The following KIAA1328 variants were observed in gnomAD, a reference collection of about 807,000 sequenced individuals.
The protein encoded by KIAA1328 is KIAA1328, also known as protein hinderin.
A neutral mutation model predicts 68.1 loss-of-function variants in KIAA1328; 52 were observed. The ratio of observed to expected loss-of-function variants is 0.76; its 90% CI spans 0.61 to 0.96. KIAA1328 has a LOEUF of 0.96. Among genes scored for constraint, KIAA1328 ranks in the 40% least tolerant of loss-of-function variants. The pLI is 0.00. For synonymous variants in KIAA1328, 232 were observed against 239.4 expected, an observed-to-expected ratio of 0.97 and a Z score of 0.28; for missense variants, 641 against 677.6, an observed-to-expected ratio of 0.95 and a Z score of 0.60.
At chr18:36,831,098 C>G (rs1465616604) in intron 1 of KIAA1328, among the ~76,000 whole-genome samples, 2 of 152,168 alleles carry the variant, frequency 1.3e-5, no homozygotes, top group Non-Finnish European at 2.9e-5. Flanking sequence ...TTGATTATTT[C>G]CCAGACCACC....
chr18:36,835,438 AAG>A, intron 3 of KIAA1328, 62 bp downstream of exon 3: 2 of 1,460,352 alleles, frequency 1.4e-6, no homozygotes, highest in South Asian at 1.3e-5. Context: ...GCTGACCAAA[AAG>A]GGTAGAAGAA....
At chr18:36,856,647 T>A (rs939091424) in intron 4 of KIAA1328, among the ~76,000 whole-genome samples, 2 of 152,212 alleles carry the variant, frequency 1.3e-5, no homozygotes, top group Admixed American at 6.5e-5. Context: ...AGTCTTTGCC[T>A]GATAAATCCA....
chr18:36,973,625 C>T (rs1233218723), intron 6 of KIAA1328, among the ~76,000 whole-genome samples: 5 of 151,948 alleles, frequency 3.3e-5, no homozygotes, highest in Non-Finnish European at 5.9e-5. Context: ...CATTCTGAAT[C>T]CTCATGTCAG....
intron 5 of KIAA1328, among the ~76,000 whole-genome samples, chr18:36,901,630 G>A (rs1234962829): frequency 6.6e-6 from 1 of 151,972 alleles, no homozygotes; most frequent in African/African-American, 2.4e-5. Context: ...GCTCAGGGCG[G>A]CATTTTACTA....
chr18:37,044,455 A>G (rs1394647301), intron 6 of KIAA1328, among the ~76,000 whole-genome samples: 3 of 152,150 alleles, frequency 2.0e-5, no homozygotes, highest in East Asian at 1.9e-4. Context: ...GCAAAACCAC[A>G]TAGTAAAAAA....
intron 8 of KIAA1328, among the ~76,000 whole-genome samples, chr18:37,169,696 TAAAAAA>T (rs1160992571): frequency 1.3e-5 from 2 of 152,210 alleles, no homozygotes; most frequent in Admixed American, 1.3e-4. Context: ...AGAGAATTAA[TAAAAAA>T]GAACAGTTAA....
At chr18:36,988,093 C>T (rs909277847) in intron 6 of KIAA1328, among the ~76,000 whole-genome samples, 1 of 152,132 alleles carries the variant, frequency 6.6e-6, no homozygotes, top group African/African-American at 2.4e-5. Context: ...TGACACATTA[C>T]ACAGGCTTTA....
chr18:37,098,343 T>C (rs2057480907), intron 7 of KIAA1328, among the ~76,000 whole-genome samples: 1 of 152,244 alleles, frequency 6.6e-6, no homozygotes, highest in Non-Finnish European at 1.5e-5. Flanking sequence ...ATGTGTTTTT[T>C]GTCTTTGGTT....
At chr18:37,084,581 T>A (rs1343268339) in intron 7 of KIAA1328, among the ~76,000 whole-genome samples, 1 of 133,698 alleles carries the variant, frequency 7.5e-6, no homozygotes, top group Non-Finnish European at 1.5e-5. Flanking sequence ...TATTTTCTGA[T>A]CTTATTAAAT....
chr18:37,082,780 T>G (rs1328821919), intron 7 of KIAA1328, among the ~76,000 whole-genome samples: 2 of 152,190 alleles, frequency 1.3e-5, no homozygotes, highest in African/African-American at 4.8e-5. Flanking sequence ...TCCAGACTGA[T>G]CAGAGAAGAT....
intron 6 of KIAA1328, among the ~76,000 whole-genome samples, chr18:37,041,675 T>C (rs2055257073): frequency 7.4e-6 from 1 of 135,858 alleles, no homozygotes; most frequent in African/African-American, 2.6e-5. Context: ...TGTGTGTGTG[T>C]GTATACACAT....
At chr18:36,829,974 C>T (rs917027446) in intron 1 of KIAA1328, among the ~76,000 whole-genome samples, 6 of 152,150 alleles carry the variant, frequency 3.9e-5, no homozygotes, top group Non-Finnish European at 8.8e-5. Context: ...ACTCTTCTCG[C>T]TTGAGCTTTG....
intron 1 of KIAA1328, chr18:36,833,251 C>T (rs761508229): frequency 8.6e-5 from 13 of 151,994 alleles, no homozygotes; most frequent in Non-Finnish European, 1.6e-4. Context: ...TTTCAAGTAC[C>T]TATATGGTTA....
At chr18:36,926,403 T>TTATG (rs564801368) in intron 5 of KIAA1328, among the ~76,000 whole-genome samples, 19,962 of 151,566 alleles carry the variant, frequency 0.13, 1,696 homozygotes, top group Non-Finnish European at 0.18. Flanking sequence ...ATTTATTTAT[T>TTATG]TATTTATTTA....
chr18:36,880,953 C>T (rs1014037427), intron 4 of KIAA1328, among the ~76,000 whole-genome samples: 1 of 152,074 alleles, frequency 6.6e-6, no homozygotes, highest in Non-Finnish European at 1.5e-5. Context: ...TTTTATATAT[C>T]TGGATTCATC....
At chr18:37,160,915 G>C (rs2059266026) in intron 8 of KIAA1328, among the ~76,000 whole-genome samples, 1 of 152,154 alleles carries the variant, frequency 6.6e-6, no homozygotes, top group African/African-American at 2.4e-5. Flanking sequence ...TCAATTATAA[G>C]TAACTATGTT....
chr18:37,155,398 ATCC>A (rs1009698451), intron 7 of KIAA1328, among the ~76,000 whole-genome samples: 2 of 151,878 alleles, frequency 1.3e-5, no homozygotes, highest in Non-Finnish European at 2.9e-5. Flanking sequence ...CCCTTCCCCA[ATCC>A]TCCTCTGTAT....
chr18:37,093,362 T>C (rs569727610), intron 7 of KIAA1328, among the ~76,000 whole-genome samples: 56 of 152,162 alleles, frequency 3.7e-4, no homozygotes, highest in Admixed American at 2.9e-3. Flanking sequence ...AGGTACTCAA[T>C]GAGATACAAA....
chr18:36,864,733 C>A (rs1173880299), intron 4 of KIAA1328, among the ~76,000 whole-genome samples: 1 of 151,524 alleles, frequency 6.6e-6, no homozygotes, highest in Non-Finnish European at 1.5e-5. Flanking sequence ...TTCACTGAAA[C>A]CATCCAGGCT....
Sources: gnomAD v4.1 joint callset for allele counts (sites outside exome capture counted in the v4.1 genomes callset) on GRCh38, gnomAD v4.1.1 for gene constraint, MANE v1.5 for transcripts, NCBI Gene and HGNC (gene_info 2026-07-23, HGNC 2026-07-21) for gene names.